The following DENND1A variants were observed in gnomAD, a reference collection of about 807,000 sequenced individuals.
DENND1A encodes the protein DENN domain containing 1A, also known as DENN domain-containing protein 1A.
Under a neutral mutation model 113.7 loss-of-function variants are expected in DENND1A, and 51 were observed. The ratio of observed to expected loss-of-function variants is 0.45; its 90% CI spans 0.36 to 0.57. DENND1A has a LOEUF of 0.57. DENND1A is among the 20% of genes least tolerant of loss of function. DENND1A has a pLI of 0.00. For missense variants in DENND1A, 1,258 were observed against 1,395.9 expected (o/e 0.90, Z 1.57); for synonymous variants, 565 against 570.8 (o/e 0.99, Z 0.14).
chr9:123,903,594 TC>T (rs998979294), intron 1 of DENND1A, among the ~76,000 whole-genome samples: 4 of 151,970 alleles, frequency 2.6e-5, no homozygotes, highest in Non-Finnish European at 5.9e-5. Flanking sequence ...CCTTTCCGAG[TC>T]AAAGAAAGAG....
chr9:123,629,117 T>A (rs1183560071), intron 10 of DENND1A, among the ~76,000 whole-genome samples: 1 of 152,126 alleles, frequency 6.6e-6, no homozygotes, highest in Non-Finnish European at 1.5e-5. Context: ...GGTGGACCTT[T>A]CCAGTGAGAT....
intron 19 of DENND1A, among the ~76,000 whole-genome samples, chr9:123,416,454 A>T (rs1051566255): frequency 6.6e-6 from 1 of 152,210 alleles, no homozygotes; most frequent in Non-Finnish European, 1.5e-5. Flanking sequence ...GTAAAACTGG[A>T]AGAGCTTTAA....
At chr9:123,904,588 C>T (rs1346109217) in intron 1 of DENND1A, among the ~76,000 whole-genome samples, 7 of 147,086 alleles carry the variant, frequency 4.8e-5, no homozygotes, top group Admixed American at 1.3e-4. Flanking sequence ...CCTCAGGAGC[C>T]GATGCAATCA....
intron 9 of DENND1A, 57 bp downstream of exon 9, chr9:123,651,956 G>GT: frequency 1.3e-6 from 2 of 1,487,536 alleles, no homozygotes; most frequent in Admixed American, 1.8e-5. Context: ...TCTTGCTGGT[G>GT]TATCTTTCAA....
chr9:123,777,497 A>T (rs1409972698), intron 3 of DENND1A, among the ~76,000 whole-genome samples: 1 of 152,204 alleles, frequency 6.6e-6, no homozygotes, highest in Non-Finnish European at 1.5e-5. Context: ...ATAAGTACAA[A>T]ATTAAAGGCT....
chr9:123,614,605 A>AT (rs1423994515), intron 10 of DENND1A, among the ~76,000 whole-genome samples: 2 of 151,996 alleles, frequency 1.3e-5, no homozygotes, highest in African/African-American at 4.8e-5. Flanking sequence ...AAAAAAAAAA[A>AT]TACAGCTTCC....
intron 5 of DENND1A, among the ~76,000 whole-genome samples, chr9:123,742,842 A>G (rs903089359): frequency 6.6e-6 from 1 of 152,232 alleles, no homozygotes; most frequent in African/African-American, 2.4e-5. Flanking sequence ...AATGCATAGG[A>G]CAGATGCTAA....
intron 2 of DENND1A, among the ~76,000 whole-genome samples, chr9:123,873,688 A>G (rs1456435116): frequency 1.3e-5 from 2 of 152,316 alleles, no homozygotes; most frequent in East Asian, 1.9e-4. Context: ...TAATCATCCA[A>G]TAGAAAACTA....
intron 13 of DENND1A, among the ~76,000 whole-genome samples, chr9:123,493,315 G>T (rs936949843): frequency 6.6e-6 from 1 of 152,178 alleles, no homozygotes; most frequent in Non-Finnish European, 1.5e-5. Flanking sequence ...AGGGAGGTTG[G>T]GGGGAGACTT....
chr9:123,396,552 T>C (rs570103835), intron 21 of DENND1A, among the ~76,000 whole-genome samples: 2 of 152,282 alleles, frequency 1.3e-5, no homozygotes, highest in African/African-American at 4.8e-5. Flanking sequence ...GTGTCCAGAG[T>C]CCCTTGCAAA....
chr9:123,788,247 A>G (rs1259392091), intron 3 of DENND1A, among the ~76,000 whole-genome samples: 1 of 152,176 alleles, frequency 6.6e-6, no homozygotes, highest in Non-Finnish European at 1.5e-5. Flanking sequence ...ATTATACTTG[A>G]CACATTACAA....
chr9:123,619,036 C>T (rs1354843068), intron 10 of DENND1A, among the ~76,000 whole-genome samples: 1 of 152,204 alleles, frequency 6.6e-6, no homozygotes, highest in Admixed American at 6.5e-5. Context: ...CAACCTCCAC[C>T]TCTCAGGTTC....
chr9:123,596,601 C>T (rs565674888), intron 11 of DENND1A, among the ~76,000 whole-genome samples: 1 of 152,266 alleles, frequency 6.6e-6, no homozygotes, highest in East Asian at 1.9e-4. Context: ...CCTTTCTCCT[C>T]GCTGTGCAGC....
intron 5 of DENND1A, among the ~76,000 whole-genome samples, chr9:123,728,989 C>T (rs2067958640): frequency 6.6e-6 from 1 of 152,164 alleles, no homozygotes; most frequent in African/African-American, 2.4e-5. Context: ...CGTAATCCAT[C>T]ACATAAACAG....
chr9:123,835,803 T>C (rs955781635), intron 2 of DENND1A, among the ~76,000 whole-genome samples: 4 of 152,174 alleles, frequency 2.6e-5, no homozygotes, highest in African/African-American at 9.7e-5. Flanking sequence ...AAATACATTC[T>C]GACTTCTGTT....
In DENND1A at chr9:123,696,927, C is replaced by A. The variant is rs372787815; in HGVS notation, c.303-20138G>T. The stretch of plus-strand genomic sequence containing the variant: ...AAAAAGGTCTCTATTCACCAGTATT[C>A]TTTGTTGATCACTCAAAATAAACTT... On this transcript the variant is annotated intron_variant, in intron 5 of 23. Coordinates refer to ENST00000394215, the MANE Select transcript of DENND1A (RefSeq NM_001352964.2). Among the ~76,000 whole-genome samples, 19 of 152,238 alleles carry A rather than the reference C, an allele frequency of 1.2e-4. No individual in the cohort carries two copies. The East Asian group carries it at 3.5e-3, about 28-fold the overall frequency.
At chr9:123,456,346 A>C (rs1181668861) in intron 15 of DENND1A, among the ~76,000 whole-genome samples, 1 of 141,760 alleles carries the variant, frequency 7.1e-6, no homozygotes, top group Non-Finnish European at 1.6e-5. Flanking sequence ...TCGCTGCCAA[A>C]GACTGAGGCG....
chr9:123,837,726 GA>G (rs1245821648), intron 2 of DENND1A, among the ~76,000 whole-genome samples: 3 of 151,964 alleles, frequency 2.0e-5, no homozygotes, highest in Non-Finnish European at 4.4e-5. Flanking sequence ...TAAAGAAAAG[GA>G]AAAAAACTGA....
chr9:123,488,455 A>G (rs533445253), intron 13 of DENND1A, among the ~76,000 whole-genome samples: 4 of 152,372 alleles, frequency 2.6e-5, no homozygotes, highest in African/African-American at 7.2e-5. Context: ...TGTAACTGAC[A>G]ATTTGAAAAG....
Sources: allele counts gnomAD v4.1 joint callset (sites outside exome capture counted in the v4.1 genomes callset), GRCh38; gene constraint gnomAD v4.1.1; transcripts MANE v1.5; gene names NCBI Gene and HGNC (gene_info 2026-07-23, HGNC 2026-07-21).